The following PI4KA variants were observed in gnomAD, a reference collection of about 807,000 sequenced individuals.
The protein encoded by PI4KA is phosphatidylinositol 4-kinase alpha.
PI4KA carries 122 observed loss-of-function variants against 271.4 expected under a neutral mutation model. The ratio of observed to expected loss-of-function variants is 0.45; its 90% CI spans 0.39 to 0.52. The LOEUF (loss-of-function observed/expected upper bound fraction) is 0.52. Ranked by LOEUF, PI4KA falls within the 20% of genes least tolerant of loss-of-function variation. PI4KA has a pLI of 0.00. For missense variants in PI4KA, 1,969 were observed against 2,769.1 expected (o/e 0.71, Z 6.48); for synonymous variants, 1,041 against 1,078.8 (o/e 0.96, Z 0.69).
At chr22:20,803,388 G>C (rs1267868895) in intron 12 of PI4KA, 68 bp from the exon 13 acceptor site, 6 of 1,592,776 alleles carry the variant, frequency 3.8e-6, no homozygotes, top group Non-Finnish European at 4.3e-6. Context: ...CCTGAGCAGG[G>C]AGGTGCTCAA....
chr22:20,846,975 G>A (rs1020412660), intron 1 of PI4KA, among the ~76,000 whole-genome samples: 5 of 151,252 alleles, frequency 3.3e-5, no homozygotes, highest in South Asian at 2.1e-4. Flanking sequence ...ATGAAACCCC[G>A]TCTCTACTAA....
intron 23 of PI4KA, among the ~76,000 whole-genome samples, chr22:20,754,372 G>C (rs947806960): frequency 6.6e-6 from 1 of 152,306 alleles, no homozygotes; most frequent in East Asian, 1.9e-4. Flanking sequence ...ACAGGCGTGA[G>C]CCACTATGCC....
intron 2 of PI4KA, among the ~76,000 whole-genome samples, chr22:20,836,089 A>C (rs362223): frequency 0.1 from 9,529 of 95,210 alleles, 296 homozygotes; most frequent in East Asian, 0.12. Context: ...CAAAACAAAA[A>C]ACAACAAAAA....
At chr22:20,779,391 C>T in intron 19 of PI4KA, 1 of 1,614,214 alleles carries the variant, frequency 6.2e-7, no homozygotes, top group Non-Finnish European at 8.5e-7. Flanking sequence ...CCCGCTGGAT[C>T]AGCTAGAGAA....
At chr22:20,811,149 G>T in intron 8 of PI4KA, 117 bp from the exon 9 acceptor site, 1 of 772,548 alleles carries the variant, frequency 1.3e-6, no homozygotes, top group South Asian at 1.5e-5. Context: ...TGCAGATAAA[G>T]GCCAATAAAT....
chr22:20,777,623 A>T (rs1415801278), intron 19 of PI4KA, among the ~76,000 whole-genome samples: 1 of 152,152 alleles, frequency 6.6e-6, no homozygotes, highest in Non-Finnish European at 1.5e-5. Flanking sequence ...CAGTGTTGGG[A>T]TTATAGGCGT....
chr22:20,797,768 A>G (rs563237542), intron 17 of PI4KA, among the ~76,000 whole-genome samples: 54 of 144,818 alleles, frequency 3.7e-4, no homozygotes, highest in African/African-American at 1.4e-3. Flanking sequence ...CTGCACTCCC[A>G]CCCACTAAAC....
chr22:20,724,757 C>T (rs532475602), intron 42 of PI4KA, among the ~76,000 whole-genome samples: 2 of 152,240 alleles, frequency 1.3e-5, no homozygotes, highest in South Asian at 2.1e-4. Context: ...AGAGTTCACA[C>T]GGAGGCCCTG....
intron 3 of PI4KA, among the ~76,000 whole-genome samples, chr22:20,824,669 G>A (rs889084962): frequency 1.3e-5 from 2 of 151,894 alleles, no homozygotes; most frequent in African/African-American, 4.8e-5. Context: ...TAGCTAGTGT[G>A]AGATAACAAA....
At chr22:20,791,814 T>C (rs1934663233) in intron 19 of PI4KA, among the ~76,000 whole-genome samples, 1 of 152,022 alleles carries the variant, frequency 6.6e-6, no homozygotes, top group Non-Finnish European at 1.5e-5. Context: ...AAAAATACCA[T>C]GGCAGGCCGG....
In PI4KA at chr22:20,712,511, T is replaced by A. The variant is rs768760845; in HGVS notation, c.5777A>T (p.Asp1926Val). The A allele has an allele frequency of 2.5e-6, 4 of 1,606,272 alleles. No individual in the cohort carries two copies. Among genetic ancestry groups the A allele is most frequent in the Non-Finnish European group, 3.4e-6 (4 of 1,177,374 alleles). The change falls in exon 50 of 55, where the codon GAT becomes GTT. Residue 1926 changes from aspartate (D) to valine (V), a missense_variant. By Grantham distance (152) the Asp-to-Val change is radical (BLOSUM62 -3). Transcript: ENST00000255882. ...MYDYFTRQYG[D>V]ESTLAFQQAR... ...CTGCTGGAAGGCCAGAGTGGACTCA[T>A]CCCCGTACTGGCGTGTGAAGTAGTC...
In PI4KA at chr22:20,720,550, A is replaced by G. The variant is rs114308962; in HGVS notation, c.5116+748T>C. Among the ~76,000 whole-genome samples the G allele has an allele frequency of 3.3e-3, 496 of 152,320 alleles. 2 individuals carry two copies. Among genetic ancestry groups the G allele is most frequent in the African/African-American group, 0.011 (469 of 41,554 alleles). On this transcript the variant is annotated intron_variant, in intron 43 of 54. Coordinates refer to ENST00000255882, the MANE Select transcript of PI4KA (RefSeq NM_058004.4). ...CTGGGAGAGGGACCCTGCCTCTAAA[A>G]AAATAAAACAAAAGCTACCACTTCT... is the stretch of plus-strand genomic sequence containing the variant.
chr22:20,715,738 G>A (rs1449010280), intron 45 of PI4KA, among the ~76,000 whole-genome samples: 1 of 152,034 alleles, frequency 6.6e-6, no homozygotes, highest in African/African-American at 2.4e-5. Context: ...GCCTCCCAAA[G>A]TGCTGGGATT....
At chr22:20,857,366 C>A (rs1258707407) in intron 1 of PI4KA, among the ~76,000 whole-genome samples, 1 of 152,292 alleles carries the variant, frequency 6.6e-6, no homozygotes, top group East Asian at 1.9e-4. Context: ...ATGATAAAAT[C>A]AAATATGAGA....
chr22:20,708,263 T>C (rs575429874), intron 54 of PI4KA, among the ~76,000 whole-genome samples, 165 bp from the exon 55 acceptor site: 2 of 152,282 alleles, frequency 1.3e-5, no homozygotes, highest in Non-Finnish European at 2.9e-5. Context: ...CCACATCTCC[T>C]GCTCCAACCC....
chr22:20,731,644 A>C (rs1242426786), intron 36 of PI4KA, among the ~76,000 whole-genome samples: 4 of 152,028 alleles, frequency 2.6e-5, no homozygotes, highest in Non-Finnish European at 5.9e-5. Flanking sequence ...AAAATAAAAA[A>C]ATTGGCCGGG....
At chr22:20,785,951 T>C in intron 19 of PI4KA, 1 of 1,613,368 alleles carries the variant, frequency 6.2e-7, no homozygotes, top group African/African-American at 1.3e-5. Flanking sequence ...ATCATGATTC[T>C]TTTGTAACTT....
At chr22:20,804,841 C>A in intron 11 of PI4KA, 133 bp downstream of exon 11, 1 of 724,948 alleles carries the variant, frequency 1.4e-6, no homozygotes, top group Non-Finnish European at 2.4e-6. Flanking sequence ...TGCACGTGCC[C>A]AGGAGGCCTA....
intron 3 of PI4KA, among the ~76,000 whole-genome samples, chr22:20,828,823 G>A (rs1923783260): frequency 6.6e-6 from 1 of 152,178 alleles, no homozygotes; most frequent in Admixed American, 6.5e-5. Context: ...AAAGTGCTGG[G>A]ATTACAGGCG....
Sources: allele counts gnomAD v4.1 joint callset (sites outside exome capture counted in the v4.1 genomes callset), GRCh38; gene constraint gnomAD v4.1.1; transcripts MANE v1.5; gene names NCBI Gene and HGNC (gene_info 2026-07-23, HGNC 2026-07-21).